The following GRIK3 variants were observed in gnomAD, a reference collection of about 807,000 sequenced individuals.
GRIK3 encodes the protein glutamate receptor ionotropic, kainate 3.
A neutral mutation model predicts 102.5 loss-of-function variants in GRIK3; 29 were observed. The observed-to-expected ratio is 0.28, with a 90% confidence interval of 0.21 to 0.39. GRIK3 has a LOEUF of 0.39. GRIK3 is among the 10% of genes least tolerant of loss of function. The pLI is 1.00. For synonymous variants in GRIK3, 511 were observed against 504.9 expected (o/e 1.01, Z -0.16); for missense variants, 908 against 1,252.4 (o/e 0.73, Z 4.15).
rs187713107 is a variant in GRIK3 at position 36,890,867 on chromosome 1, C to T, written c.292+53G>A. 613 of 1,424,978 alleles carry T rather than the reference C, an allele frequency of 4.3e-4. 12 individuals are homozygous for T. The East Asian group carries it at 7.6e-3, about 18-fold the overall frequency. The allele number at this position is 1,424,978 out of a possible 1,614,324, so 88.3% of individuals were successfully genotyped here. On this transcript the variant is annotated intron_variant, in intron 2 of 15. Coordinates refer to ENST00000373091, the MANE Select transcript of GRIK3 (RefSeq NM_000831.4). ...CCAGGATCTTGGACAGCAAATGCAGCGCTTCCCCTCCCCAGGCTGGGAAGA... is the reference window on the plus strand; with the variant it reads ...CCAGGATCTTGGACAGCAAATGCAGTGCTTCCCCTCCCCAGGCTGGGAAGA...
Position 37,034,221 on chromosome 1 carries a change from G to A in GRIK3, c.-113C>T, listed in dbSNP as rs919422275. On this transcript the variant is annotated 5_prime_UTR_variant, in exon 1 of 16. Coordinates refer to ENST00000373091, the MANE Select transcript of GRIK3 (RefSeq NM_000831.4). The stretch of plus-strand genomic sequence containing the variant: ...AAGGCGCCGCCTGGCCCAGCCGCCC[G>A]GCTCCCGAGCGCCGCTGCAAGTGGG... The A allele has an allele frequency of 5.0e-5, 10 of 201,142 alleles. No individual in the cohort carries two copies. Among genetic ancestry groups the A allele is most frequent in the Non-Finnish European group, 6.9e-5 (7 of 101,202 alleles). The allele number at this position is 201,142 out of a possible 1,614,324, so 12.5% of individuals were successfully genotyped here. A position where few individuals can be genotyped will look rare whatever the true frequency, so the allele number is the denominator to read the frequency against.
intron 1 of GRIK3, among the ~76,000 whole-genome samples, chr1:36,937,715 C>T (rs527621020): frequency 2.6e-5 from 4 of 152,286 alleles, no homozygotes; most frequent in African/African-American, 7.2e-5. Context: ...TAAACGAACT[C>T]TTTGGAAACA....
intron 1 of GRIK3, among the ~76,000 whole-genome samples, chr1:36,925,846 A>G (rs1641521627): frequency 6.6e-6 from 1 of 152,292 alleles, no homozygotes; most frequent in South Asian, 2.1e-4. Context: ...AACATTACCA[A>G]TTATCTTGGT....
chr1:36,832,207 G>C (rs949819242), intron 10 of GRIK3, among the ~76,000 whole-genome samples: 1 of 152,222 alleles, frequency 6.6e-6, no homozygotes, highest in African/African-American at 2.4e-5. Context: ...AGGAGAGTGA[G>C]GCCGGAGCCT....
In GRIK3 at chr1:36,806,747, G is replaced by A. The variant is rs1642505944; in HGVS notation, c.2092-421C>T. On this transcript the variant is annotated intron_variant, in intron 13 of 15. Coordinates refer to ENST00000373091, the MANE Select transcript of GRIK3 (RefSeq NM_000831.4). The surrounding 1 kb of genome is among the most constrained non-coding windows in gnomAD (Gnocchi z 4.0). ...ACAAGCCCCATTTTACAAATAAAAAGATTGAGGCACAGCTAAGTCACTTGC... is the reference window on the plus strand; with the variant it reads ...ACAAGCCCCATTTTACAAATAAAAAAATTGAGGCACAGCTAAGTCACTTGC... Among the ~76,000 whole-genome samples, 1 of 152,186 alleles carries A rather than the reference G, an allele frequency of 6.6e-6. No homozygotes were observed. Among genetic ancestry groups the A allele is most frequent in the Non-Finnish European group, 1.5e-5 (1 of 68,038 alleles).
chr1:36,964,801 C>A (rs919725866), intron 1 of GRIK3, among the ~76,000 whole-genome samples: 1 of 152,162 alleles, frequency 6.6e-6, no homozygotes, highest in African/African-American at 2.4e-5. Flanking sequence ...ACCTCAAGTG[C>A]CACATTGAAA....
chr1:36,865,301 G>T (rs970923580), intron 5 of GRIK3, among the ~76,000 whole-genome samples: 1 of 152,216 alleles, frequency 6.6e-6, no homozygotes, highest in African/African-American at 2.4e-5. Context: ...GGCAGCTGGG[G>T]TAATTAAAAT....
chr1:36,972,090 C>T (rs72923836), intron 1 of GRIK3, among the ~76,000 whole-genome samples: 3,352 of 152,290 alleles, frequency 0.022, 103 homozygotes, highest in African/African-American at 0.075. Flanking sequence ...ATTTACTTAG[C>T]GGCAGTAATC....
chr1:36,873,399 T>C (rs529276912), intron 3 of GRIK3, among the ~76,000 whole-genome samples: 1 of 152,126 alleles, frequency 6.6e-6, no homozygotes, highest in Non-Finnish European at 1.5e-5. Flanking sequence ...TCTAATTAAG[T>C]TCGTTTCTGT....
chr1:36,856,369 G>C (rs1415688577), intron 7 of GRIK3, among the ~76,000 whole-genome samples: 1 of 152,218 alleles, frequency 6.6e-6, no homozygotes, highest in Non-Finnish European at 1.5e-5. Flanking sequence ...GCTCCTCCCA[G>C]TGACATTTCC....
At chr1:37,029,113 C>T (rs1642793933) in intron 1 of GRIK3, among the ~76,000 whole-genome samples, 1 of 151,164 alleles carries the variant, frequency 6.6e-6, no homozygotes, top group African/African-American at 2.5e-5. Context: ...TCTGGTGCTG[C>T]TGCTGAAGAA....
At chr1:36,886,574 T>C (rs1269224657) in intron 2 of GRIK3, among the ~76,000 whole-genome samples, 1 of 152,198 alleles carries the variant, frequency 6.6e-6, no homozygotes, top group Non-Finnish European at 1.5e-5. Flanking sequence ...TTGCCAGTCA[T>C]AGCAGAGGGA....
chr1:36,859,110 C>G lies in GRIK3; in HGVS notation c.1102G>C (p.Glu368Gln). The G allele has an allele frequency of 6.2e-7, 1 of 1,606,428 alleles. No individual in the cohort carries two copies. Among genetic ancestry groups the G allele is most frequent in the Non-Finnish European group, 8.5e-7 (1 of 1,174,734 alleles). The change falls in exon 7 of 16, where the codon GAG (glutamate) becomes CAG (glutamine). Residue 368 changes from glutamate to glutamine, a missense_variant and splice_region_variant. Around this residue, in one of 3 missense-constraint regions of GRIK3, gnomAD observed 585 missense variants for 824.9 expected, o/e 0.71. Coordinates refer to ENST00000373091, the MANE Select transcript of GRIK3 (RefSeq NM_000831.4). ...FGGRFMNFIK[E>Q]AQWEGLTGRI... ...GGTGGGGGCTGTGGGGCACTCACCT[C>G]CTTGATGAAGTTCATGAAGCGGCCG... is the stretch of plus-strand genomic sequence containing the variant.
chr1:36,870,738 C>T (rs1190424400), intron 4 of GRIK3, among the ~76,000 whole-genome samples: 1 of 152,212 alleles, frequency 6.6e-6, no homozygotes, highest in Non-Finnish European at 1.5e-5. Flanking sequence ...CCTGGATGAC[C>T]TTGGGTCCAT....
chr1:36,842,991 C>T (rs577630336), intron 9 of GRIK3, among the ~76,000 whole-genome samples: 1 of 152,050 alleles, frequency 6.6e-6, no homozygotes, highest in Non-Finnish European at 1.5e-5. Context: ...CCCCCACCAT[C>T]CACCCCCTCC....
At chr1:36,836,943 A>C (rs1389738938) in intron 10 of GRIK3, among the ~76,000 whole-genome samples, 2 of 151,952 alleles carry the variant, frequency 1.3e-5, no homozygotes, top group Non-Finnish European at 2.9e-5. Flanking sequence ...GTGGATGCTC[A>C]TTCCTCATTT....
In GRIK3 at chr1:36,919,117, G is replaced by A. The variant is rs115234188; in HGVS notation, c.116-28021C>T. ...AGGTTCAATGCAGCCAATGTCCACT[G>A]GTGCCTTCTCAGTGCTGGGGTAGAA... is the stretch of plus-strand genomic sequence containing the variant. On this transcript the variant is annotated intron_variant, in intron 1 of 15. Coordinates refer to ENST00000373091, the MANE Select transcript of GRIK3 (RefSeq NM_000831.4). 9.7e-3 allele frequency among the ~76,000 whole-genome samples: 1,483 copies of A among 152,274 alleles called. 18 individuals are homozygous for A. Among genetic ancestry groups the A allele is most frequent in the African/African-American group, 0.032 (1,337 of 41,536 alleles).
intron 4 of GRIK3, among the ~76,000 whole-genome samples, chr1:36,871,409 G>A (rs1441894569): frequency 6.6e-6 from 1 of 152,198 alleles, no homozygotes; most frequent in Admixed American, 6.5e-5. Context: ...GGACCCTGAG[G>A]GGTCATGTGT....
Position 36,798,707 on chromosome 1 carries a change from G to GC in GRIK3, c.*3143dup, listed in dbSNP as rs1424769846. On this transcript the variant is annotated 3_prime_UTR_variant, in exon 16 of 16. Transcript: ENST00000373091. ...CACTAGGCTGGTCTCTAGGACAAATGCAGGATATTGGCCAGAAGCCAAATA... is the reference window on the plus strand; with the variant it reads ...CACTAGGCTGGTCTCTAGGACAAATGCCAGGATATTGGCCAGAAGCCAAATA... 6.6e-6 allele frequency: 1 copy of GC among 152,244 alleles called. No individual in the cohort carries two copies. The highest frequency in any genetic ancestry group is 2.4e-5 in the African/African-American group (1 of 41,470). 9.4% of individuals were successfully genotyped at this position (152,244 alleles called of 1,614,324 possible).
Sources: allele counts gnomAD v4.1 joint callset (sites outside exome capture counted in the v4.1 genomes callset), GRCh38; gene constraint gnomAD v4.1.1; regional missense constraint gnomAD v4.1.1; non-coding constraint Gnocchi (gnomAD v3.1); transcripts MANE v1.5; gene names NCBI Gene and HGNC (gene_info 2026-07-23, HGNC 2026-07-21).